ZC3H13: variants seen among roughly 807,000 people sequenced by gnomAD.
ZC3H13 encodes zinc finger CCCH domain-containing protein 13.
Under a neutral mutation model 204.1 loss-of-function variants are expected in ZC3H13, and 64 were observed. The ratio of observed to expected loss-of-function variants is 0.31; its 90% confidence interval spans 0.26 to 0.39. ZC3H13 has a LOEUF of 0.39. Among genes scored for constraint, ZC3H13 ranks in the 10% least tolerant of loss-of-function variants. ZC3H13 has a pLI of 1.00. For missense variants in ZC3H13, 1,833 were observed against 2,082.7 expected (o/e 0.88, Z 2.33); for synonymous variants, 667 against 693.7 (o/e 0.96, Z 0.60).
At chr13:46,038,452 AT>A (rs2043351734) in intron 4 of ZC3H13, among the ~76,000 whole-genome samples, 1 of 152,198 alleles carries the variant, frequency 6.6e-6, no homozygotes, top group South Asian at 2.1e-4. Context: ...CCATTTATGA[AT>A]TTGATAACCA....
intron 17 of ZC3H13, among the ~76,000 whole-genome samples, chr13:45,961,677 G>A (rs910970575): frequency 6.6e-6 from 1 of 151,688 alleles, no homozygotes; most frequent in Non-Finnish European, 1.5e-5. Context: ...ACACCCTGTT[G>A]TAGAAACTGT....
intron 7 of ZC3H13, among the ~76,000 whole-genome samples, chr13:46,004,245 G>A (rs992802062): frequency 6.6e-6 from 1 of 151,824 alleles, no homozygotes; most frequent in Admixed American, 6.6e-5. Context: ...GCATCTTTCT[G>A]TAACAAAAAG....
rs368040760 is a variant in ZC3H13, at chr13:46,028,165, A to C, written c.340-7608T>G. The stretch of plus-strand genomic sequence containing the variant: ...ATACTGCTAACACTAATCAAAAAAG[A>C]GTATGAGTAGGTATATTAATTTCAG... On this transcript the variant is annotated intron_variant, in intron 4 of 18. Coordinates refer to ENST00000679008, the MANE Select transcript of ZC3H13 (RefSeq NM_001330564.2). Among the ~76,000 whole-genome samples the C allele has an allele frequency of 1.8e-4, 27 of 152,372 alleles. No homozygotes were observed. In the South Asian group the frequency reaches 5.2e-3, roughly 29 times the overall value.
At chr13:46,028,641 G>GT (rs2042689174) in intron 4 of ZC3H13, among the ~76,000 whole-genome samples, 1 of 151,934 alleles carries the variant, frequency 6.6e-6, no homozygotes, top group African/African-American at 2.4e-5. Flanking sequence ...CTAGAAATCT[G>GT]TAACAGAAAG....
At chr13:46,022,752 G>A (rs1375491373) in intron 4 of ZC3H13, among the ~76,000 whole-genome samples, 1 of 150,536 alleles carries the variant, frequency 6.6e-6, no homozygotes, top group Non-Finnish European at 1.5e-5. Flanking sequence ...AGCATATTAA[G>A]TAGTACTACT....
intron 4 of ZC3H13, among the ~76,000 whole-genome samples, chr13:46,034,712 G>C (rs2043105200): frequency 6.6e-6 from 1 of 151,870 alleles, no homozygotes; most frequent in Non-Finnish European, 1.5e-5. Flanking sequence ...ACTTAAAATG[G>C]GTGCATTTCA....
At chr13:46,009,603 A>G (rs1275339154) in intron 7 of ZC3H13, among the ~76,000 whole-genome samples, 1 of 141,818 alleles carries the variant, frequency 7.1e-6, no homozygotes, top group African/African-American at 2.5e-5. Flanking sequence ...AGATATTTTT[A>G]GTTCATTTTT....
chr13:45,994,650 C>A (rs1368224942), intron 8 of ZC3H13, among the ~76,000 whole-genome samples: 1 of 152,042 alleles, frequency 6.6e-6, no homozygotes, highest in Non-Finnish European at 1.5e-5. Flanking sequence ...TTTTAAGCTC[C>A]CAGAGTAAGA....
intron 7 of ZC3H13, among the ~76,000 whole-genome samples, chr13:46,008,059 A>C (rs781378147): frequency 1.1e-4 from 17 of 152,170 alleles, no homozygotes; most frequent in Non-Finnish European, 2.1e-4. Context: ...TTCAGGGAAA[A>C]GTGTAAGTTT....
Position 45,967,868 on chromosome 13 carries a change from C to A in ZC3H13, c.3957G>T (p.Arg1319Ser), listed in dbSNP as rs745726970. The part of the protein sequence containing the change: ...RERERERRDT[R>S]QREWDRDADK... ...CAGCATCTCGGTCCCATTCTCTCTGCCTCGTATCTCTCCTCTCTCTCTCGC... is the reference window on the plus strand; with the variant it reads ...CAGCATCTCGGTCCCATTCTCTCTGACTCGTATCTCTCCTCTCTCTCTCGC... The change falls in exon 15 of 19, where the codon AGG (arginine) becomes AGT (serine). Residue 1319 changes from arginine (R) to serine (S), a missense_variant. Arg to Ser is a moderately radical substitution (Grantham distance 110). Coordinates refer to ENST00000679008, the MANE Select transcript of ZC3H13 (RefSeq NM_001330564.2). 1.2e-6 allele frequency: 2 copies of A among 1,614,008 alleles called. No homozygotes were observed. Among genetic ancestry groups the A allele is most frequent in the African/African-American group, 1.3e-5 (1 of 75,002 alleles).
chr13:45,958,700 G>C (rs977651574), intron 18 of ZC3H13, among the ~76,000 whole-genome samples: 23 of 142,516 alleles, frequency 1.6e-4, no homozygotes, highest in Non-Finnish European at 3.0e-4. Flanking sequence ...TTGTCGCCCA[G>C]GCTGGAGTGC....
At chr13:46,048,592 A>AAC (rs2044167074) in intron 1 of ZC3H13, among the ~76,000 whole-genome samples, 1 of 150,922 alleles carries the variant, frequency 6.6e-6, no homozygotes, top group Non-Finnish European at 1.5e-5. Flanking sequence ...AAAAAAAAAA[A>AAC]AAAAAAAAAA....
chr13:45,962,711 T>G, intron 17 of ZC3H13: 1 of 981,910 alleles, frequency 1.0e-6, no homozygotes, highest in Non-Finnish European at 1.2e-6. Context: ...AAAACAATAT[T>G]TTTTTATTTT....
chr13:46,036,682 T>C (rs902402434), intron 4 of ZC3H13, among the ~76,000 whole-genome samples: 3 of 152,150 alleles, frequency 2.0e-5, no homozygotes, highest in Admixed American at 1.3e-4. Flanking sequence ...ATAATTAACA[T>C]TTAGAAAATT....
chr13:46,013,546 T>C (rs2041716912), intron 5 of ZC3H13, among the ~76,000 whole-genome samples: 1 of 152,208 alleles, frequency 6.6e-6, no homozygotes, highest in African/African-American at 2.4e-5. Flanking sequence ...AAAACTCAGA[T>C]ATTTTCCTAA....
At position 45,979,831 on chromosome 13, in the gene ZC3H13, G is replaced by A. The variant is rs537119782; in HGVS notation, c.1894C>T (p.Arg632Cys). ...FERRHGERDR[R>C]DNRERDQRPS... ...GACAAACCTCTCTCTCTGTTGTCAC[G>A]ACGGTCTCGCTCTCCATGTCTTCTC... Residue 632 changes from arginine (R) to cysteine (C), a missense_variant, in exon 11 of 19, where the codon CGT becomes TGT. Transcript: ENST00000679008. 5 of 1,585,610 alleles carry A rather than the reference G, an allele frequency of 3.2e-6. No individual in the cohort carries two copies. Among genetic ancestry groups the A allele is most frequent in the East Asian group, 2.3e-5 (1 of 42,828 alleles).
At chr13:45,993,174 T>C (rs908769098) in intron 8 of ZC3H13, among the ~76,000 whole-genome samples, 3 of 152,062 alleles carry the variant, frequency 2.0e-5, no homozygotes, top group African/African-American at 7.3e-5. Flanking sequence ...GTAACAACAT[T>C]TATACAAAAG....
intron 5 of ZC3H13, among the ~76,000 whole-genome samples, chr13:46,013,355 A>C (rs564590545): frequency 9.0e-4 from 137 of 152,180 alleles, no homozygotes; most frequent in African/African-American, 1.2e-3. Flanking sequence ...CGGAGGTTGC[A>C]GTAAGCTGAC....
At chr13:46,007,148 A>AG (rs1313568887) in intron 7 of ZC3H13, among the ~76,000 whole-genome samples, 1 of 152,164 alleles carries the variant, frequency 6.6e-6, no homozygotes, top group East Asian at 1.9e-4. Flanking sequence ...GACAGAGACT[A>AG]GCAGGGGGTT....
Sources: allele counts gnomAD v4.1 joint callset (sites outside exome capture counted in the v4.1 genomes callset), GRCh38; gene constraint gnomAD v4.1.1; transcripts MANE v1.5; gene names NCBI Gene and HGNC (gene_info 2026-07-23, HGNC 2026-07-21).